Variants in GLRA2 observed in about 807,000 individuals in gnomAD.
GLRA2 encodes glycine receptor alpha 2, also known as glycine receptor subunit alpha-2.
GLRA2 carries 11 observed loss-of-function variants against 31.6 expected under a neutral mutation model. The ratio of observed to expected loss-of-function variants is 0.35; its 90% CI spans 0.22 to 0.58. The LOEUF (loss-of-function observed/expected upper bound fraction) is 0.58. GLRA2 is among the 20% of genes least tolerant of loss of function. GLRA2 has a pLI of 0.84. For synonymous variants in GLRA2, 132 were observed against 134.0 expected (o/e 0.99, Z 0.10); for missense variants, 212 against 351.8 (o/e 0.60, Z 3.18).
chrX:14,577,996 T>C (rs1326591104), intron 3 of GLRA2, among the ~76,000 whole-genome samples: 2 of 111,777 alleles, frequency 1.8e-5, no homozygotes, highest in Non-Finnish European at 3.8e-5. Flanking sequence ...GATGAGGTCA[T>C]TGAGGACATT....
intron 7 of GLRA2, among the ~76,000 whole-genome samples, chrX:14,687,512 C>CT (rs1402837270): frequency 9.0e-6 from 1 of 111,524 alleles, no homozygotes; most frequent in Non-Finnish European, 1.9e-5. Context: ...TCTTTTTACT[C>CT]TTTTTTCTCT....
chrX:14,458,133 G>T, the GLRA2 span, among the ~76,000 whole-genome samples: 1 of 108,741 alleles, frequency 9.2e-6, no homozygotes, highest in Non-Finnish European at 1.9e-5. Context: ...TTGGTTTCTT[G>T]TCCTTGTGAT....
the GLRA2 span, among the ~76,000 whole-genome samples, chrX:14,505,913 C>T: frequency 2.7e-5 from 3 of 111,162 alleles, no homozygotes; most frequent in African/African-American, 9.8e-5. Flanking sequence ...AGTTTTAAAA[C>T]CATCAGCTGG....
At chrX:14,603,104 T>G (rs1243218896) in intron 4 of GLRA2, among the ~76,000 whole-genome samples, 1 of 110,241 alleles carries the variant, frequency 9.1e-6, no homozygotes, top group African/African-American at 3.3e-5. Flanking sequence ...TTGACTTTTT[T>G]GATTACGGTC....
chrX:14,663,516 T>TAC (rs751970033), intron 7 of GLRA2, among the ~76,000 whole-genome samples: 28,265 of 103,820 alleles, frequency 0.27, 3,051 homozygotes, highest in Non-Finnish European at 0.31. Flanking sequence ...TAGAAAAGAT[T>TAC]ACACACACAC....
At chrX:14,493,154 A>G in the GLRA2 span, among the ~76,000 whole-genome samples, 1 of 111,358 alleles carries the variant, frequency 9.0e-6, no homozygotes, top group African/African-American at 3.3e-5. Context: ...ATCACATAGA[A>G]AAATGAAAAC....
chrX:14,460,002 G>T, the GLRA2 span, among the ~76,000 whole-genome samples: 2 of 111,971 alleles, frequency 1.8e-5, no homozygotes, highest in Admixed American at 1.9e-4. Context: ...GATATTGGCT[G>T]TGGGTTTTGT....
At chrX:14,728,073 T>C (rs1312642778) in intron 8 of GLRA2, among the ~76,000 whole-genome samples, 1 of 112,322 alleles carries the variant, frequency 8.9e-6, no homozygotes, top group Non-Finnish European at 1.9e-5. Flanking sequence ...CTTTATAAAG[T>C]AGTAGTTTTA....
At chrX:14,494,391 T>G in the GLRA2 span, among the ~76,000 whole-genome samples, 6 of 112,294 alleles carry the variant, frequency 5.3e-5, no homozygotes, top group Admixed American at 9.4e-5. Context: ...TCATCTGTTT[T>G]GCAAAGGATT....
intron 7 of GLRA2, among the ~76,000 whole-genome samples, chrX:14,651,314 A>G (rs1162254482): frequency 9.0e-6 from 1 of 111,683 alleles, no homozygotes; most frequent in Non-Finnish European, 1.9e-5. Flanking sequence ...AGCTGGGGAT[A>G]GGAAGCAGTG....
chrX:14,470,037 T>C, the GLRA2 span, among the ~76,000 whole-genome samples: 1 of 111,351 alleles, frequency 9.0e-6, no homozygotes. Flanking sequence ...TTTAATATTT[T>C]AATAGAGATT....
chrX:14,574,080 G>T (rs1467281165), intron 2 of GLRA2, among the ~76,000 whole-genome samples: 2 of 111,929 alleles, frequency 1.8e-5, no homozygotes, highest in Non-Finnish European at 3.8e-5. Context: ...TTATGACAGT[G>T]AATCCAGTTC....
intron 7 of GLRA2, among the ~76,000 whole-genome samples, chrX:14,645,035 AT>A (rs1277302185): frequency 8.9e-6 from 1 of 112,014 alleles, no homozygotes; most frequent in Non-Finnish European, 1.9e-5. Context: ...AAGAATTTGG[AT>A]GGTAGCACGA....
Position 14,690,856 on chromosome X carries a change from T to C in GLRA2, c.1077T>C (p.Asn359=). 8.3e-7 allele frequency: 1 copy of C among 1,208,932 alleles called. No homozygotes were observed. Among genetic ancestry groups the C allele is most frequent in the Non-Finnish European group, 1.1e-6 (1 of 893,339 alleles). The change falls in exon 8 of 9, where the codon AAT becomes AAC. Residue 359 remains asparagine (N), a synonymous_variant. Transcript: ENST00000218075. ...TCCGAAGAAGACAGAAGAGGCAGAA[T>C]AAGGTATGATTGCCCCTCAGTTCAG... ...LRLRRRQKRQ[N]KEEDVTRESR...
chrX:14,526,274 T>C (rs2089187021), upstream of GLRA2, among the ~76,000 whole-genome samples: 1 of 112,687 alleles, frequency 8.9e-6, no homozygotes, highest in Non-Finnish European at 1.9e-5. Context: ...TGAGGAACAA[T>C]GTAGGCATGG....
At chrX:14,556,627 A>G (rs113601781) in intron 2 of GLRA2, among the ~76,000 whole-genome samples, 51 of 112,233 alleles carry the variant, frequency 4.5e-4, no homozygotes, top group African/African-American at 1.3e-3. Context: ...GCTTGTTACC[A>G]CAAGCAAAGT....
intron 6 of GLRA2, 88 bp from the exon 7 acceptor site, chrX:14,608,900 CTTT>C (rs35800731): frequency 4.0e-3 from 1,623 of 408,668 alleles, no homozygotes; most frequent in Admixed American, 0.011. Context: ...CTGCAGTAGT[CTTT>C]TTTTTTTTTT....
chrX:14,478,418 A>C, the GLRA2 span, among the ~76,000 whole-genome samples: 2 of 111,839 alleles, frequency 1.8e-5, no homozygotes, highest in Non-Finnish European at 3.8e-5. Context: ...TTGTATAGAG[A>C]TATGGTTGAA....
the GLRA2 span, among the ~76,000 whole-genome samples, chrX:14,509,299 A>G: frequency 6.2e-5 from 7 of 112,776 alleles, no homozygotes; most frequent in African/African-American, 1.9e-4. Context: ...CAACAGCTTC[A>G]TGTATTATAT....
Sources: allele counts gnomAD v4.1 joint callset (sites outside exome capture counted in the v4.1 genomes callset), GRCh38; gene constraint gnomAD v4.1.1; transcripts MANE v1.5; gene names NCBI Gene and HGNC (gene_info 2026-07-23, HGNC 2026-07-21).